SAMD12: variants seen among roughly 807,000 people sequenced by gnomAD.
SAMD12 encodes the protein sterile alpha motif domain containing 12.
A neutral mutation model predicts 15.0 loss-of-function variants in SAMD12; 9 were observed. That is an observed-to-expected ratio of 0.60 (90% CI 0.36 to 1.05). The LOEUF (loss-of-function observed/expected upper bound fraction) is 1.05. SAMD12 is among the 50% of genes least tolerant of loss of function. SAMD12 has a pLI of 0.01. For missense variants in SAMD12, 230 were observed against 234.2 expected, an observed-to-expected ratio of 0.98 and a Z score of 0.12; for synonymous variants, 86 against 90.1, an observed-to-expected ratio of 0.96 and a Z score of 0.25.
intron 1 of SAMD12, among the ~76,000 whole-genome samples, chr8:118,620,132 A>G (rs1270052206): frequency 6.6e-6 from 1 of 152,170 alleles, no homozygotes; most frequent in Non-Finnish European, 1.5e-5. Context: ...TCACGCAAGA[A>G]ATAAGACAAA....
At chr8:118,284,917 G>A (rs1813880839) in intron 4 of SAMD12, 1 of 148,726 alleles carries the variant, frequency 6.7e-6, no homozygotes, top group African/African-American at 2.5e-5. Context: ...ACCCCAGCCT[G>A]GGTGACACAG....
intron 4 of SAMD12, among the ~76,000 whole-genome samples, chr8:118,199,261 A>G (rs1819646680): frequency 6.6e-6 from 1 of 152,226 alleles, no homozygotes; most frequent in South Asian, 2.1e-4. Flanking sequence ...CTAAAGCATC[A>G]TGATTGTTTT....
At chr8:118,345,204 A>G (rs920923547) in intron 4 of SAMD12, among the ~76,000 whole-genome samples, 1 of 152,196 alleles carries the variant, frequency 6.6e-6, no homozygotes, top group East Asian at 1.9e-4. Flanking sequence ...AAAATTACCT[A>G]TAGTATTCAG....
intron 2 of SAMD12, among the ~76,000 whole-genome samples, chr8:118,481,806 C>G (rs193168745): frequency 5.3e-5 from 8 of 152,054 alleles, no homozygotes; most frequent in Non-Finnish European, 1.5e-5. Flanking sequence ...AAATACAGGG[C>G]TTGGACAATA....
At chr8:118,555,327 C>G (rs543317511) in intron 2 of SAMD12, among the ~76,000 whole-genome samples, 1 of 152,270 alleles carries the variant, frequency 6.6e-6, no homozygotes, top group South Asian at 2.1e-4. Flanking sequence ...TAAAACACTC[C>G]TAGCCAAGTT....
At chr8:118,465,795 C>T (rs1240257392) in intron 2 of SAMD12, among the ~76,000 whole-genome samples, 1 of 152,118 alleles carries the variant, frequency 6.6e-6, no homozygotes, top group Non-Finnish European at 1.5e-5. Flanking sequence ...CTGGCTTACA[C>T]AGGACCAAGG....
chr8:118,290,549 C>A (rs1382298248), intron 4 of SAMD12, among the ~76,000 whole-genome samples: 2 of 152,168 alleles, frequency 1.3e-5, no homozygotes, highest in Non-Finnish European at 2.9e-5. Flanking sequence ...ATATGATTCA[C>A]AAATTAGTCA....
chr8:118,462,885 G>A (rs1395574067), intron 2 of SAMD12, among the ~76,000 whole-genome samples: 1 of 151,900 alleles, frequency 6.6e-6, no homozygotes, highest in Non-Finnish European at 1.5e-5. Flanking sequence ...GGCGGATCAC[G>A]AGGTCAGGAG....
chr8:118,275,447 G>A (rs1339900961), intron 4 of SAMD12, among the ~76,000 whole-genome samples: 3 of 152,282 alleles, frequency 2.0e-5, no homozygotes, highest in East Asian at 3.9e-4. Context: ...TGTAAGATAA[G>A]TTTGGGGAAA....
chr8:118,404,222 G>T (rs1240466128), intron 3 of SAMD12, among the ~76,000 whole-genome samples: 1 of 152,044 alleles, frequency 6.6e-6, no homozygotes, highest in East Asian at 1.9e-4. Context: ...GGGCTCAAGT[G>T]ATTATCTCAC....
intron 4 of SAMD12, among the ~76,000 whole-genome samples, chr8:118,292,349 G>GACACACACACACACACACACAC (rs3052706): frequency 0.13 from 18,177 of 137,176 alleles, 1,403 homozygotes; most frequent in Non-Finnish European, 0.15. Context: ...CAAACACACA[G>GACACACACACACACACACACAC]ACACACACAC....
At chr8:118,503,573 C>A (rs950845151) in intron 2 of SAMD12, among the ~76,000 whole-genome samples, 2 of 152,204 alleles carry the variant, frequency 1.3e-5, no homozygotes, top group African/African-American at 4.8e-5. Context: ...TAGGTGGCCA[C>A]TTGTTTCAGG....
At chr8:118,576,920 T>C (rs1827166656) in intron 2 of SAMD12, among the ~76,000 whole-genome samples, 1 of 152,190 alleles carries the variant, frequency 6.6e-6, no homozygotes, top group Non-Finnish European at 1.5e-5. Flanking sequence ...CCCAATGCAA[T>C]GAAAATGCTT....
chr8:118,490,294 T>C (rs914018210), intron 2 of SAMD12, among the ~76,000 whole-genome samples: 4 of 152,192 alleles, frequency 2.6e-5, no homozygotes, highest in African/African-American at 9.6e-5. Flanking sequence ...TAGTTTATAA[T>C]AGTGGGTCAT....
At chr8:118,213,624 A>G (rs1271451400) in intron 4 of SAMD12, among the ~76,000 whole-genome samples, 1 of 152,202 alleles carries the variant, frequency 6.6e-6, no homozygotes, top group East Asian at 1.9e-4. Context: ...GAGCCTCTCC[A>G]GTATGGGGTG....
In SAMD12 at chr8:118,336,183, G is replaced by A. The variant is rs1030330797; in HGVS notation, c.433+43377C>T. 2.6e-5 allele frequency among the ~76,000 whole-genome samples: 4 copies of A among 152,146 alleles called. No individual in the cohort carries two copies. The East Asian group carries it at 5.8e-4, about 22-fold the overall frequency. Reference sequence around the variant, plus strand: ...GGCACAGATATTTGAACCCAGCTCTGACTAACTCTAAAACAATACCAGGAG... The same window carrying A: ...GGCACAGATATTTGAACCCAGCTCTAACTAACTCTAAAACAATACCAGGAG... On this transcript the variant is annotated intron_variant, in intron 4 of 4. Coordinates refer to the SAMD12 transcript ENST00000409003.
chr8:118,505,005 T>C (rs1218550303), intron 2 of SAMD12, among the ~76,000 whole-genome samples: 2 of 152,220 alleles, frequency 1.3e-5, no homozygotes, highest in South Asian at 2.1e-4. Flanking sequence ...ACATTGACTT[T>C]GGACTTCTGG....
intron 4 of SAMD12, among the ~76,000 whole-genome samples, chr8:118,295,318 G>C (rs1229534980): frequency 6.6e-6 from 1 of 152,136 alleles, no homozygotes; most frequent in Non-Finnish European, 1.5e-5. Flanking sequence ...AAAATGCTGT[G>C]ATGCAAATAT....
intron 4 of SAMD12, among the ~76,000 whole-genome samples, chr8:118,207,925 CTCCT>C (rs966275429): frequency 4.9e-5 from 2 of 40,800 alleles, no homozygotes; most frequent in African/African-American, 2.5e-4. Context: ...TACGTAAATA[CTCCT>C]TTTTTTTTTT....
Sources: allele counts gnomAD v4.1 joint callset (sites outside exome capture counted in the v4.1 genomes callset), GRCh38; gene constraint gnomAD v4.1.1; transcripts MANE v1.5; gene names NCBI Gene and HGNC (gene_info 2026-07-23, HGNC 2026-07-21).